Variants in AKAP12 observed in about 807,000 individuals in gnomAD.
AKAP12 encodes A-kinase anchor protein 12.
In AKAP12, 32 loss-of-function variants were observed where a neutral mutation model predicts 79.9. The ratio of observed to expected loss-of-function variants is 0.40; its 90% CI spans 0.30 to 0.54. AKAP12 has a LOEUF of 0.54. Ranked by LOEUF, AKAP12 falls within the 20% of genes least tolerant of loss-of-function variation. AKAP12 has a pLI of 0.48. For missense variants in AKAP12, 2,074 were observed against 2,177.0 expected (o/e 0.95, Z 0.94); for synonymous variants, 808 against 857.0 (o/e 0.94, Z 1.00).
In AKAP12 at chr6:151,350,561, G is replaced by C. The variant is rs2114826171; in HGVS notation, c.2170G>C (p.Gly724Arg). The C allele has an allele frequency of 6.2e-7, 1 of 1,614,166 alleles. No homozygotes were observed. The highest frequency in any genetic ancestry group is 1.3e-5 in the African/African-American group (1 of 75,048). ...ADEAGKDKETGTDGILAGSQE... is the reference protein window; with the variant it reads ...ADEAGKDKETRTDGILAGSQE... The stretch of plus-strand genomic sequence containing the variant: ...TGAGGCCGGAAAAGACAAAGAGACG[G>C]GGACAGACGGGATCCTTGCTGGTTC... Residue 724 changes from glycine to arginine, a missense_variant, in exon 4 of 5, where the codon GGG becomes CGG. Gly to Arg is a moderately radical substitution (Grantham distance 125). Transcript: ENST00000402676. The surrounding 1 kb of genome is among the most constrained non-coding windows in gnomAD (Gnocchi z 4.8).
intron 3 of AKAP12, among the ~76,000 whole-genome samples, chr6:151,309,599 T>C (rs1187018694): frequency 6.6e-6 from 1 of 152,166 alleles, no homozygotes; most frequent in Non-Finnish European, 1.5e-5. Context: ...TTGTAAACTT[T>C]CTTAAATGTT....
In AKAP12 at chr6:151,356,040, G is replaced by GT. The variant is rs1374454915; in HGVS notation, c.*327dup. On this transcript the variant is annotated 3_prime_UTR_variant, in exon 5 of 5. Coordinates refer to ENST00000402676, the MANE Select transcript of AKAP12 (RefSeq NM_005100.4). ...ACCTAGTTCTGCTTCTGAAACTGGA[G>GT]TATCATTCTTTACATATTTATATGT... 11 of 152,618 alleles carry GT rather than the reference G, an allele frequency of 7.2e-5. No homozygotes were observed. Among genetic ancestry groups the GT allele is most frequent in the African/African-American group, 2.7e-4 (11 of 41,430 alleles). The allele number at this position is 152,618 out of a possible 1,614,324, so 9.5% of individuals were successfully genotyped here. A position where few individuals can be genotyped will look rare whatever the true frequency, so the allele number is the denominator to read the frequency against.
At position 151,255,088 on chromosome 6, in the gene AKAP12, G is replaced by GC. The variant is rs1399026254; in HGVS notation, c.162+14366dup. 3.9e-5 allele frequency among the ~76,000 whole-genome samples: 6 copies of GC among 152,278 alleles called. No individual in the cohort carries two copies. The East Asian group carries it at 1.2e-3, about 29-fold the overall frequency. The stretch of plus-strand genomic sequence containing the variant: ...TGAAAGTCACAGATTCAGCACATGT[G>GC]CCTGCACCCTTGTCAACAAAAATGA... On this transcript the variant is annotated intron_variant, in intron 2 of 4. Coordinates refer to ENST00000402676, the MANE Select transcript of AKAP12 (RefSeq NM_005100.4).
At chr6:151,241,676 A>T (rs1163479599) in intron 2 of AKAP12, among the ~76,000 whole-genome samples, 1 of 152,088 alleles carries the variant, frequency 6.6e-6, no homozygotes, top group Non-Finnish European at 1.5e-5. Context: ...CACTCTACTG[A>T]TTTTGTGATA....
chr6:151,315,462 T>TA (rs1386560401), intron 3 of AKAP12, among the ~76,000 whole-genome samples: 1 of 152,228 alleles, frequency 6.6e-6, no homozygotes, highest in African/African-American at 2.4e-5. Flanking sequence ...CCCCACCCTC[T>TA]AATATCATCA....
At chr6:151,315,602 G>A (rs1777216544) in intron 3 of AKAP12, among the ~76,000 whole-genome samples, 1 of 152,220 alleles carries the variant, frequency 6.6e-6, no homozygotes, top group East Asian at 1.9e-4. Flanking sequence ...CTCACCTTGA[G>A]TGTAAAACAA....
intron 2 of AKAP12, among the ~76,000 whole-genome samples, chr6:151,295,157 C>T (rs1776697574): frequency 1.3e-5 from 2 of 152,144 alleles, no homozygotes; most frequent in Admixed American, 1.3e-4. Flanking sequence ...AATTTGTAGA[C>T]AACATTCCTG....
chr6:151,341,906 G>C (rs1582894502), intron 3 of AKAP12: 1 of 731,930 alleles, frequency 1.4e-6, no homozygotes, highest in Non-Finnish European at 1.9e-6. Context: ...CCCAGCCCAG[G>C]CTGTAGAGCC....
chr6:151,315,949 C>CAT (rs1562735019), intron 3 of AKAP12, among the ~76,000 whole-genome samples: 1 of 152,168 alleles, frequency 6.6e-6, no homozygotes, highest in Non-Finnish European at 1.5e-5. Flanking sequence ...ATGAGAACAG[C>CAT]ATGAGGGTAA....
chr6:151,250,850 C>G (rs1395541658), intron 2 of AKAP12, among the ~76,000 whole-genome samples: 1 of 152,100 alleles, frequency 6.6e-6, no homozygotes, highest in African/African-American at 2.4e-5. Context: ...TCGTGATCCA[C>G]CCGCCTCGGC....
intron 3 of AKAP12, among the ~76,000 whole-genome samples, chr6:151,311,478 G>A (rs1276151362): frequency 6.6e-6 from 1 of 152,200 alleles, no homozygotes; most frequent in Admixed American, 6.5e-5. Context: ...GTGTGTGCAC[G>A]TGGACCGCCA....
intron 3 of AKAP12, among the ~76,000 whole-genome samples, chr6:151,332,583 ATGT>A (rs561329687): frequency 8.5e-4 from 130 of 152,328 alleles, no homozygotes; most frequent in Admixed American, 1.8e-3. Flanking sequence ...GGCATGGATG[ATGT>A]TGTTTCACTA....
Position 151,240,669 on chromosome 6 carries a change from C to A in AKAP12, c.107C>A (p.Ala36Glu). 2 of 1,296,208 alleles carry A rather than the reference C, an allele frequency of 1.5e-6. No homozygotes were observed. Among genetic ancestry groups the A allele is most frequent in the South Asian group, 2.3e-5 (1 of 44,428 alleles). 80.3% of individuals were successfully genotyped at this position (1,296,208 alleles called of 1,614,324 possible). A position where few individuals can be genotyped will look rare whatever the true frequency, so the allele number is the denominator to read the frequency against. ...AGCGGCGGCGGCCCCTCGGCCGAGGCGGCGCCAGACACCACCGCGGACCCC... is the reference window on the plus strand; with the variant it reads ...AGCGGCGGCGGCCCCTCGGCCGAGGAGGCGCCAGACACCACCGCGGACCCC... Reference protein sequence around the residue: ...EPSGGGPSAEAAPDTTADPAI... With the variant: ...EPSGGGPSAEEAPDTTADPAI... The change falls in exon 2 of 5, where the codon GCG (alanine) becomes GAG (glutamate). Residue 36 changes from alanine (A) to glutamate (E), a missense_variant. Transcript: ENST00000402676.
At chr6:151,257,104 C>T (rs976623018) in intron 2 of AKAP12, among the ~76,000 whole-genome samples, 1 of 152,034 alleles carries the variant, frequency 6.6e-6, no homozygotes, top group Non-Finnish European at 1.5e-5. Context: ...GGTTTGTTAG[C>T]TAGGTATATA....
At chr6:151,264,530 G>A (rs1797508877) in intron 2 of AKAP12, among the ~76,000 whole-genome samples, 1 of 151,842 alleles carries the variant, frequency 6.6e-6, no homozygotes, top group Non-Finnish European at 1.5e-5. Flanking sequence ...AATTAGCCAG[G>A]TGTGGTGGCA....
intron 1 of AKAP12, 32 bp from the exon 2 acceptor site, chr6:151,240,352 T>G (rs1582824991): frequency 6.8e-6 from 3 of 442,404 alleles, no homozygotes; most frequent in Non-Finnish European, 3.8e-6. Flanking sequence ...GGCTAAGAGG[T>G]GGCCTTTTTT....
At chr6:151,244,073 G>T in intron 2 of AKAP12, among the ~76,000 whole-genome samples, 1 of 152,136 alleles carries the variant, frequency 6.6e-6, no homozygotes, top group East Asian at 1.9e-4. Context: ...TTGCAACAGG[G>T]TGAGGCCATT....
At chr6:151,251,478 A>G (rs909830192) in intron 2 of AKAP12, among the ~76,000 whole-genome samples, 1 of 152,152 alleles carries the variant, frequency 6.6e-6, no homozygotes, top group Non-Finnish European at 1.5e-5. Flanking sequence ...GAGATTTGGC[A>G]CAGGGTAGAG....
At chr6:151,294,997 A>C (rs892266466) in intron 2 of AKAP12, among the ~76,000 whole-genome samples, 5 of 152,326 alleles carry the variant, frequency 3.3e-5, no homozygotes, top group Admixed American at 3.3e-4. Flanking sequence ...AAATCTGCTT[A>C]ACTCTGTCTG....
Sources: allele counts gnomAD v4.1 joint callset (sites outside exome capture counted in the v4.1 genomes callset), GRCh38; gene constraint gnomAD v4.1.1; non-coding constraint Gnocchi (gnomAD v3.1); transcripts MANE v1.5; gene names NCBI Gene and HGNC (gene_info 2026-07-23, HGNC 2026-07-21).